Variants in PLXNA4 observed in about 807,000 individuals in gnomAD.
PLXNA4 encodes the protein plexin-A4.
PLXNA4 carries 44 observed loss-of-function variants against 191.8 expected under a neutral mutation model. That is an observed-to-expected ratio of 0.23 (90% CI 0.18 to 0.29). The LOEUF is 0.29. PLXNA4 is among the 10% of genes least tolerant of loss of function. The pLI, the probability that PLXNA4 is intolerant of heterozygous loss-of-function variation, is 1.00. For synonymous variants in PLXNA4, 1,082 were observed against 1,009.5 expected, an observed-to-expected ratio of 1.07 and a Z score of -1.36; for missense variants, 1,800 against 2,488.8, an observed-to-expected ratio of 0.72 and a Z score of 5.89.
intron 30 of PLXNA4, among the ~76,000 whole-genome samples, chr7:132,135,690 G>A (rs1301580967): frequency 6.6e-6 from 1 of 152,230 alleles, no homozygotes; most frequent in Admixed American, 6.5e-5. Context: ...AAGACAGAGA[G>A]AGCTGCTGGG....
intron 2 of PLXNA4, among the ~76,000 whole-genome samples, chr7:132,590,445 G>A (rs1802586408): frequency 6.6e-6 from 1 of 152,182 alleles, no homozygotes; most frequent in South Asian, 2.1e-4. Context: ...TCTGCAAGTT[G>A]AGGAGCAAGG....
chr7:132,376,266 G>A (rs1244876089), intron 3 of PLXNA4, among the ~76,000 whole-genome samples: 1 of 152,186 alleles, frequency 6.6e-6, no homozygotes, highest in African/African-American at 2.4e-5. Context: ...CACATGCTAA[G>A]GGGAAAGCCT....
chr7:132,533,027 C>T (rs10260766), intron 1 of PLXNA4, among the ~76,000 whole-genome samples: 50,145 of 152,012 alleles, frequency 0.33, 8,376 homozygotes, highest in South Asian at 0.35. Context: ...ACCACAAATC[C>T]CTCCTAACTT....
chr7:132,577,533 G>A (rs1802306632), upstream of PLXNA4, among the ~76,000 whole-genome samples: 2 of 151,738 alleles, frequency 1.3e-5, no homozygotes, highest in Admixed American at 1.3e-4. Context: ...CCGGCAGAGG[G>A]GGCAGGGGGC....
chr7:132,489,332 G>C lies in PLXNA4; in HGVS notation c.1331C>G (p.Ser444Cys). The C allele has an allele frequency of 6.3e-7, 1 of 1,597,466 alleles. No individual in the cohort carries two copies. Among genetic ancestry groups the C allele is most frequent in the Non-Finnish European group, 8.6e-7 (1 of 1,165,976 alleles). Residue 444 changes from serine to cysteine, a missense_variant, in exon 3 of 32, where the codon TCT becomes TGT. Physicochemically the swap from Ser to Cys is moderately radical, Grantham distance 112. Coordinates refer to ENST00000321063, the MANE Select transcript of PLXNA4 (RefSeq NM_020911.2). ...ACTTTTGGTGCCCACAAAGGCCAGAGAGTGGTTCTTGTAGACATATGCGAT... is the reference window on the plus strand; with the variant it reads ...ACTTTTGGTGCCCACAAAGGCCAGACAGTGGTTCTTGTAGACATATGCGAT... Reference protein sequence around the residue: ...SVIAYVYKNHSLAFVGTKSGK... With the variant: ...SVIAYVYKNHCLAFVGTKSGK...
chr7:132,239,621 C>T (rs1395450241), intron 5 of PLXNA4, among the ~76,000 whole-genome samples: 4 of 152,214 alleles, frequency 2.6e-5, no homozygotes, highest in African/African-American at 9.6e-5. Context: ...TGCCCCCTGT[C>T]TGCCTGGCAA....
At chr7:132,294,514 T>G (rs1398393111) in intron 4 of PLXNA4, among the ~76,000 whole-genome samples, 1 of 152,234 alleles carries the variant, frequency 6.6e-6, no homozygotes, top group East Asian at 1.9e-4. Flanking sequence ...GATTAACTGC[T>G]GCATGGAGAA....
intron 3 of PLXNA4, among the ~76,000 whole-genome samples, chr7:132,348,603 C>T (rs1202621859): frequency 6.6e-6 from 1 of 152,128 alleles, no homozygotes; most frequent in Non-Finnish European, 1.5e-5. Flanking sequence ...CTCTGGCTGC[C>T]CCACATCCCT....
intron 5 of PLXNA4, among the ~76,000 whole-genome samples, chr7:132,232,885 T>A (rs991928474): frequency 6.6e-5 from 10 of 152,220 alleles, no homozygotes; most frequent in Non-Finnish European, 1.5e-4. Flanking sequence ...AACAGGGCTA[T>A]CTGTGAGTCC....
chr7:132,516,199 T>C (rs1305503031), intron 1 of PLXNA4, among the ~76,000 whole-genome samples: 1 of 152,008 alleles, frequency 6.6e-6, no homozygotes. Context: ...TTATAAATAC[T>C]TAAAATACTC....
At chr7:132,584,973 T>C (rs571463524) in intron 2 of PLXNA4, among the ~76,000 whole-genome samples, 136 of 152,254 alleles carry the variant, frequency 8.9e-4, no homozygotes, top group African/African-American at 3.2e-3. Flanking sequence ...TCTAGTTTCC[T>C]ACTAGATGCA....
intron 2 of PLXNA4, among the ~76,000 whole-genome samples, chr7:132,502,230 G>A (rs539406722): frequency 6.6e-6 from 1 of 152,270 alleles, no homozygotes; most frequent in African/African-American, 2.4e-5. Context: ...CAAGTCCAAG[G>A]GGGTGACCCT....
chr7:132,301,193 A>C (rs560555107), intron 3 of PLXNA4, among the ~76,000 whole-genome samples: 487 of 152,342 alleles, frequency 3.2e-3, no homozygotes, highest in Non-Finnish European at 3.0e-3. Context: ...AGAAAACCAA[A>C]GAAAAGCATT....
intron 4 of PLXNA4, among the ~76,000 whole-genome samples, chr7:132,247,078 C>A (rs1799085436): frequency 1.3e-5 from 2 of 152,278 alleles, no homozygotes; most frequent in South Asian, 4.1e-4. Context: ...TTGCCCAACT[C>A]CCACCTGGTT....
chr7:132,187,073 T>A (rs747899757), intron 15 of PLXNA4, among the ~76,000 whole-genome samples: 1 of 152,120 alleles, frequency 6.6e-6, no homozygotes, highest in Admixed American at 6.5e-5. Context: ...GCTCAACTAG[T>A]TCTGCGATCC....
chr7:132,213,084 G>A (rs1797854961), intron 9 of PLXNA4, among the ~76,000 whole-genome samples: 1 of 152,190 alleles, frequency 6.6e-6, no homozygotes, highest in South Asian at 2.1e-4. Flanking sequence ...TAAAAAGGGA[G>A]GAAACTCTGC....
rs1342055979 is a variant in PLXNA4 at position 132,126,207 on chromosome 7, T to A, written c.*4272A>T. 5.2e-5 allele frequency: 8 copies of A among 152,428 alleles called. No individual in the cohort carries two copies. Among genetic ancestry groups the A allele is most frequent in the Non-Finnish European group, 1.2e-4 (8 of 68,244 alleles). 9.4% of individuals were successfully genotyped at this position (152,428 alleles called of 1,614,324 possible). On this transcript the variant is annotated 3_prime_UTR_variant, in exon 32 of 32. Coordinates refer to ENST00000321063, the MANE Select transcript of PLXNA4 (RefSeq NM_020911.2). ...TGGAAACAGTGGTAAGGATTCTTCT[T>A]GCAGTGGAGGTCATTTGGGAAGTCA...
chr7:132,542,946 A>G (rs546348916), intron 1 of PLXNA4, among the ~76,000 whole-genome samples: 1 of 152,272 alleles, frequency 6.6e-6, no homozygotes, highest in East Asian at 1.9e-4. Context: ...TTTTAAATCC[A>G]TGGTCTGATA....
intron 1 of PLXNA4, among the ~76,000 whole-genome samples, chr7:132,574,984 CT>C (rs1668361263): frequency 6.6e-6 from 1 of 152,180 alleles, no homozygotes; most frequent in Non-Finnish European, 1.5e-5. Context: ...AACACATGAT[CT>C]TGGACAGAGG....
Sources: allele counts gnomAD v4.1 joint callset (sites outside exome capture counted in the v4.1 genomes callset), GRCh38; gene constraint gnomAD v4.1.1; transcripts MANE v1.5; gene names NCBI Gene and HGNC (gene_info 2026-07-23, HGNC 2026-07-21).